The following FAR2 variants were observed in gnomAD, a reference collection of about 807,000 sequenced individuals.
FAR2 encodes fatty acyl-CoA reductase 2, also known as epididymis secretory protein Li 81.
FAR2 carries 19 observed loss-of-function variants against 56.0 expected under a neutral mutation model. The observed-to-expected ratio is 0.34, with a 90% confidence interval of 0.24 to 0.50. The LOEUF is 0.50. Among genes scored for constraint, FAR2 ranks in the 20% least tolerant of loss-of-function variants. The pLI, the probability that FAR2 is intolerant of heterozygous loss-of-function variation, is 0.98. For missense variants in FAR2, 508 were observed against 642.2 expected (o/e 0.79, Z 2.26); for synonymous variants, 219 against 218.8 (o/e 1.00, Z -0.01).
chr12:29,247,762 A>G (rs749784536), intron 1 of FAR2, among the ~76,000 whole-genome samples: 36 of 152,236 alleles, frequency 2.4e-4, no homozygotes, highest in Non-Finnish European at 3.8e-4. Flanking sequence ...TAAGTCTCTT[A>G]ACCCATAGGA....
At chr12:29,279,289 T>A in intron 2 of FAR2, among the ~76,000 whole-genome samples, 1 of 152,234 alleles carries the variant, frequency 6.6e-6, no homozygotes. Context: ...TCAGTTGTCA[T>A]AAATTTAGAA....
chr12:29,156,691 G>T (rs1428502735), intron 1 of FAR2: 1 of 151,906 alleles, frequency 6.6e-6, no homozygotes, highest in East Asian at 1.9e-4. Flanking sequence ...TGGTAGTTTA[G>T]GGGTGACAGC....
At chr12:29,319,944 G>A (rs1259531047) in intron 9 of FAR2, among the ~76,000 whole-genome samples, 1 of 152,140 alleles carries the variant, frequency 6.6e-6, no homozygotes, top group Non-Finnish European at 1.5e-5. Context: ...GCTCACACCT[G>A]TAACCCCAGC....
At chr12:29,164,695 C>G (rs182796468) in intron 1 of FAR2, among the ~76,000 whole-genome samples, 8 of 152,276 alleles carry the variant, frequency 5.3e-5, no homozygotes, top group Admixed American at 3.9e-4. Context: ...GTAGGACAGA[C>G]ACAGAGGCTA....
At chr12:29,232,318 C>T (rs776927152) in intron 1 of FAR2, among the ~76,000 whole-genome samples, 8 of 152,154 alleles carry the variant, frequency 5.3e-5, no homozygotes, top group Non-Finnish European at 1.0e-4. Context: ...ATCCTTTGCA[C>T]CCTTGGCCAA....
chr12:29,149,690 G>C (rs943093328), intron 1 of FAR2, among the ~76,000 whole-genome samples: 5 of 152,220 alleles, frequency 3.3e-5, no homozygotes, highest in Admixed American at 3.3e-4. Flanking sequence ...CGCGGGGGTT[G>C]CAAAGGGCAG....
chr12:29,294,822 G>C (rs926038551), intron 3 of FAR2, among the ~76,000 whole-genome samples: 1 of 151,818 alleles, frequency 6.6e-6, no homozygotes, highest in Admixed American at 6.6e-5. Context: ...AGAGGAGTAC[G>C]GGCCAATTCT....
chr12:29,175,141 G>A (rs2136591540), intron 1 of FAR2, among the ~76,000 whole-genome samples: 1 of 152,282 alleles, frequency 6.6e-6, no homozygotes, highest in Middle Eastern at 3.4e-3. Context: ...AGGAAAAGTA[G>A]GACAGAATAG....
chr12:29,249,778 C>A (rs190201920), intron 1 of FAR2, among the ~76,000 whole-genome samples: 4 of 152,186 alleles, frequency 2.6e-5, no homozygotes, highest in African/African-American at 9.6e-5. Flanking sequence ...AACTCCAAAT[C>A]ATAGGGGCAA....
At chr12:29,160,553 C>G (rs910863891) in intron 1 of FAR2, among the ~76,000 whole-genome samples, 1 of 152,188 alleles carries the variant, frequency 6.6e-6, no homozygotes, top group South Asian at 2.1e-4. Flanking sequence ...TTTCAGTCTT[C>G]CCAATGTATT....
intron 1 of FAR2, among the ~76,000 whole-genome samples, chr12:29,206,096 A>G (rs1347377445): frequency 2.0e-5 from 3 of 152,216 alleles, no homozygotes; most frequent in Non-Finnish European, 4.4e-5. Context: ...GAATGGTTCT[A>G]TACCACTTAT....
chr12:29,324,504 G>A (rs1407305082), intron 10 of FAR2, among the ~76,000 whole-genome samples: 1 of 152,178 alleles, frequency 6.6e-6, no homozygotes, highest in African/African-American at 2.4e-5. Flanking sequence ...AGAGAGAAAG[G>A]TCGGGTTACC....
At position 29,293,338 on chromosome 12, in the gene FAR2, TGAG is replaced by T. The variant is rs1949004709; in HGVS notation, c.229_231del (p.Glu77del). The T allele has an allele frequency of 6.2e-7, 1 of 1,602,990 alleles. No individual in the cohort carries two copies. The highest frequency in any genetic ancestry group is 1.3e-5 in the African/African-American group (1 of 74,190). ...TCAAAGAAGTTTGTCCAAATGTGCA[TGAG>T]AAGATCAGAGCTATTTATGCAGATC... On this transcript the variant is annotated inframe_deletion, in exon 3 of 12. Coordinates refer to ENST00000536681, the MANE Select transcript of FAR2 (RefSeq NM_001271783.2).
At chr12:29,307,407 G>GCCCA in intron 4 of FAR2, among the ~76,000 whole-genome samples, 1 of 151,316 alleles carries the variant, frequency 6.6e-6, no homozygotes, top group African/African-American at 2.4e-5. Context: ...CTACCTGCCT[G>GCCCA]CCTACCTACC....
chr12:29,312,011 C>CA, intron 8 of FAR2, 61 bp downstream of exon 8: 1 of 1,234,824 alleles, frequency 8.1e-7, no homozygotes, highest in Non-Finnish European at 1.2e-6. Flanking sequence ...AAAAAGTTGA[C>CA]AAAGTGTGTC....
intron 1 of FAR2, among the ~76,000 whole-genome samples, chr12:29,168,711 G>A (rs1465734590): frequency 2.0e-5 from 3 of 152,188 alleles, no homozygotes; most frequent in Non-Finnish European, 4.4e-5. Context: ...TGAAGCCGTG[G>A]ACGTTCGTGA....
chr12:29,149,830 C>T (rs1301821284), intron 1 of FAR2, among the ~76,000 whole-genome samples: 1 of 152,174 alleles, frequency 6.6e-6, no homozygotes, highest in African/African-American at 2.4e-5. Context: ...CTGGAGAGAG[C>T]GCGAAAATGC....
intron 1 of FAR2, among the ~76,000 whole-genome samples, chr12:29,178,822 T>C (rs1467920697): frequency 1.3e-5 from 2 of 152,230 alleles, no homozygotes; most frequent in African/African-American, 4.8e-5. Context: ...TTAATTTCAC[T>C]GGATGAATTT....
intron 1 of FAR2, among the ~76,000 whole-genome samples, chr12:29,212,349 A>G (rs1367063251): frequency 6.6e-6 from 1 of 151,978 alleles, no homozygotes; most frequent in Non-Finnish European, 1.5e-5. Context: ...TTTACCCCTA[A>G]CCACTAACTG....
Sources: gnomAD v4.1 joint callset for allele counts (sites outside exome capture counted in the v4.1 genomes callset) on GRCh38, gnomAD v4.1.1 for gene constraint, MANE v1.5 for transcripts, NCBI Gene and HGNC (gene_info 2026-07-23, HGNC 2026-07-21) for gene names.